The following FNBP1 variants were observed in gnomAD, a reference collection of about 807,000 sequenced individuals.
FNBP1 encodes the protein formin-binding protein 1.
In FNBP1, 26 loss-of-function variants were observed where a neutral mutation model predicts 90.6. The ratio of observed to expected loss-of-function variants is 0.29; its 90% CI spans 0.21 to 0.40. The LOEUF (loss-of-function observed/expected upper bound fraction) is 0.40. Ranked by LOEUF, FNBP1 falls within the 10% of genes least tolerant of loss-of-function variation. FNBP1 has a pLI of 1.00. For synonymous variants in FNBP1, 260 were observed against 265.2 expected (o/e 0.98, Z 0.19); for missense variants, 635 against 768.0 (o/e 0.83, Z 2.05).
intron 4 of FNBP1, among the ~76,000 whole-genome samples, chr9:129,964,086 C>G (rs10988558): frequency 6.6e-6 from 1 of 152,262 alleles, no homozygotes; most frequent in East Asian, 1.9e-4. Flanking sequence ...GCTCTATCTT[C>G]GCTGCTTTCA....
chr9:129,931,488 C>A (rs1222064685), intron 6 of FNBP1, among the ~76,000 whole-genome samples: 2 of 151,730 alleles, frequency 1.3e-5, no homozygotes, highest in Non-Finnish European at 2.9e-5. Context: ...TGCCTGTAGT[C>A]CCAGCTACTC....
At chr9:129,911,573 CT>C (rs1417614902) in intron 11 of FNBP1, among the ~76,000 whole-genome samples, 1 of 152,174 alleles carries the variant, frequency 6.6e-6, no homozygotes, top group Non-Finnish European at 1.5e-5. Flanking sequence ...TCTGTGCCCC[CT>C]CCCCCACACC....
chr9:129,968,395 CAAAAAAA>C (rs775896038), intron 4 of FNBP1, among the ~76,000 whole-genome samples: 2 of 69,132 alleles, frequency 2.9e-5, no homozygotes, highest in African/African-American at 5.1e-5. Flanking sequence ...AACTCCGTCT[CAAAAAAA>C]AAAAAAAAAA....
intron 2 of FNBP1, among the ~76,000 whole-genome samples, chr9:129,982,252 C>G (rs1012294879): frequency 1.3e-5 from 2 of 152,172 alleles, no homozygotes; most frequent in African/African-American, 4.8e-5. Context: ...GTGGGCAGAT[C>G]ACAAGGTCAG....
chr9:129,905,891 G>GT lies in FNBP1; in HGVS notation c.1296-2891dup, dbSNP rs936822355. Among the ~76,000 whole-genome samples, 55 of 116,578 alleles carry GT rather than the reference G, an allele frequency of 4.7e-4. 1 individual carries two copies. Among genetic ancestry groups the GT allele is most frequent in the South Asian group, 2.0e-3 (7 of 3,434 alleles). The allele number at this position is 116,578 out of a possible 152,430, so 76.5% of individuals were successfully genotyped here. A position where few individuals can be genotyped will look rare whatever the true frequency, so the allele number is the denominator to read the frequency against. ...TAGAGGCATATTTCTTTTTTTTTTT[G>GT]TTTTTTTTTGAGACTGAGTTTTGCT... is the stretch of plus-strand genomic sequence containing the variant. On this transcript the variant is annotated intron_variant, in intron 12 of 16. Transcript: ENST00000446176.
chr9:129,962,446 T>C (rs552939184), intron 4 of FNBP1, among the ~76,000 whole-genome samples: 1 of 152,244 alleles, frequency 6.6e-6, no homozygotes, highest in Admixed American at 6.5e-5. Context: ...GAAGGAAGGA[T>C]AAAAACAAAG....
chr9:129,967,862 A>T (rs1382974857), intron 4 of FNBP1, among the ~76,000 whole-genome samples: 1 of 152,228 alleles, frequency 6.6e-6, no homozygotes, highest in Non-Finnish European at 1.5e-5. Context: ...GAATGATAAA[A>T]TTTAAAAAGA....
chr9:129,912,690 C>CAAAAAAAA (rs35355384), intron 11 of FNBP1, among the ~76,000 whole-genome samples: 1 of 108,262 alleles, frequency 9.2e-6, no homozygotes, highest in African/African-American at 3.7e-5. Flanking sequence ...AACTCCATCT[C>CAAAAAAAA]AAAAAAAAAA....
intron 2 of FNBP1, 55 bp downstream of exon 2, chr9:129,994,788 G>A (rs556969523): frequency 2.3e-5 from 18 of 799,118 alleles, no homozygotes; most frequent in Middle Eastern, 2.7e-4. Context: ...GAGAATATAC[G>A]TTATCCTTAC....
In FNBP1 at chr9:130,029,106, T is replaced by C. The variant is rs574253098; in HGVS notation, c.24+13846A>G. 9.2e-5 allele frequency among the ~76,000 whole-genome samples: 14 copies of C among 152,314 alleles called. No individual in the cohort carries two copies. In the East Asian group the frequency reaches 1.5e-3, roughly 17 times the overall value. ...ATTTGGTTAACTGCCATTTTCCCTT[T>C]GCCTAGAACAATGCTTGGCACATAA... On this transcript the variant is annotated intron_variant, in intron 1 of 16. Coordinates refer to ENST00000446176, the MANE Select transcript of FNBP1 (RefSeq NM_015033.3).
intron 5 of FNBP1, 122 bp downstream of exon 5, chr9:129,958,369 T>C: frequency 1.5e-6 from 1 of 684,984 alleles, no homozygotes; most frequent in Non-Finnish European, 2.5e-6. Context: ...GAAGCAGAGG[T>C]TACAGTGAGC....
chr9:130,039,592 C>T lies in FNBP1; in HGVS notation c.24+3360G>A, dbSNP rs1437348450. Among the ~76,000 whole-genome samples the T allele has an allele frequency of 2.0e-5, 3 of 150,396 alleles. No individual in the cohort carries two copies. In the East Asian group the frequency reaches 5.9e-4, roughly 29 times the overall value. On this transcript the variant is annotated intron_variant, in intron 1 of 16. Transcript: ENST00000446176. Reference sequence around the variant, plus strand: ...TCAGGAGGCTAAGGCAAGAGAATCACTAGAACCTGGGAAGTGAAAGTTGCA... The same window carrying T: ...TCAGGAGGCTAAGGCAAGAGAATCATTAGAACCTGGGAAGTGAAAGTTGCA...
At chr9:129,941,164 A>T (rs7871231) in intron 6 of FNBP1, among the ~76,000 whole-genome samples, 1 of 151,952 alleles carries the variant, frequency 6.6e-6, no homozygotes, top group South Asian at 2.1e-4. Flanking sequence ...TGAGGCGGGC[A>T]GATCACCTGA....
intron 5 of FNBP1, among the ~76,000 whole-genome samples, chr9:129,958,206 C>T (rs1408653316): frequency 4.6e-5 from 7 of 151,928 alleles, no homozygotes; most frequent in African/African-American, 1.7e-4. Flanking sequence ...CCGAGGTGGG[C>T]GAATCACTTC....
intron 1 of FNBP1, among the ~76,000 whole-genome samples, chr9:130,021,368 TTACTG>T (rs2057809141): frequency 6.6e-6 from 1 of 152,196 alleles, no homozygotes. Flanking sequence ...CATGCTGTAA[TTACTG>T]TAAAGTATTT....
chr9:129,903,051 TTA>T (rs746618332), intron 12 of FNBP1, 50 bp from the exon 13 acceptor site: 2 of 1,530,626 alleles, frequency 1.3e-6, no homozygotes, highest in East Asian at 4.9e-5. Context: ...CATTTTTTTT[TTA>T]GACAGTTTCA....
chr9:129,993,932 C>T (rs1455066159), intron 2 of FNBP1, among the ~76,000 whole-genome samples: 3 of 152,152 alleles, frequency 2.0e-5, no homozygotes, highest in Non-Finnish European at 4.4e-5. Context: ...GCCCGAAGTA[C>T]TTTTAAAATA....
intron 11 of FNBP1, among the ~76,000 whole-genome samples, chr9:129,911,960 C>T (rs1052679612): frequency 6.7e-6 from 1 of 148,892 alleles, no homozygotes; most frequent in African/African-American, 2.5e-5. Context: ...CAAAAACAAA[C>T]CAGTAAATAT....
At chr9:130,025,308 G>A (rs2058240495) in intron 1 of FNBP1, among the ~76,000 whole-genome samples, 2 of 152,112 alleles carry the variant, frequency 1.3e-5, no homozygotes, top group South Asian at 4.1e-4. Context: ...TTTTTGAATT[G>A]TTGAACCCTT....
Sources: gnomAD v4.1 joint callset for allele counts (sites outside exome capture counted in the v4.1 genomes callset) on GRCh38, gnomAD v4.1.1 for gene constraint, MANE v1.5 for transcripts, NCBI Gene and HGNC (gene_info 2026-07-23, HGNC 2026-07-21) for gene names.